The following CD163 variants were observed in gnomAD, a reference collection of about 807,000 sequenced individuals.
The protein encoded by CD163 is scavenger receptor cysteine-rich type 1 protein M130.
Under a neutral mutation model 129.2 loss-of-function variants are expected in CD163, and 64 were observed. The ratio of observed to expected loss-of-function variants is 0.50; its 90% confidence interval spans 0.41 to 0.61. The LOEUF (loss-of-function observed/expected upper bound fraction) is 0.61. Ranked by LOEUF, CD163 falls within the 20% of genes least tolerant of loss-of-function variation. The pLI is 0.00. For missense variants in CD163, 1,061 were observed against 1,377.9 expected, an observed-to-expected ratio of 0.77 and a Z score of 3.64; for synonymous variants, 446 against 478.5, an observed-to-expected ratio of 0.93 and a Z score of 0.89.
In CD163 at chr12:7,485,371, CA is replaced by C; in HGVS notation, c.2503del (p.Cys835ValfsTer46). Reference protein sequence around the residue: ...RLTSEASREACAGRLEVFYNG... With the variant: ...RLTSEASREAXAGRLEVFYNG... ...GTAAAAAACTTCCAGACGCCCTGCA[CA>C]GGCCTCTCTGCTGGCTTCACTGGTC... On this transcript the variant is annotated frameshift_variant, in exon 11 of 17. Transcript: ENST00000432237. LOFTEE classifies it high-confidence loss of function. This position sits in a 1 kb window ranked among gnomAD's most constrained non-coding sequence, Gnocchi z 4.5. 2 of 1,614,192 alleles carry C rather than the reference CA, an allele frequency of 1.2e-6. No individual in the cohort carries two copies. The highest frequency in any genetic ancestry group is 1.7e-6 in the Non-Finnish European group (2 of 1,180,012).
At chr12:7,491,993 C>T (rs745993093) in intron 6 of CD163, among the ~76,000 whole-genome samples, 9 of 152,132 alleles carry the variant, frequency 5.9e-5, no homozygotes, top group Admixed American at 6.5e-5. Context: ...AAAAGTTAAA[C>T]AATTTAAACA....
In CD163 at chr12:7,482,949, T is replaced by G; in HGVS notation, c.3127+17A>C. On this transcript the variant is annotated intron_variant, in intron 13 of 16. Transcript: ENST00000432237. ...ATGCAGATAATTGGTCTCATCATCATAAACTCCATGATATACCTGTTGTGG... is the reference window on the plus strand; with the variant it reads ...ATGCAGATAATTGGTCTCATCATCAGAAACTCCATGATATACCTGTTGTGG... 6.2e-7 allele frequency: 1 copy of G among 1,612,736 alleles called. No individual in the cohort carries two copies. Among genetic ancestry groups the G allele is most frequent in the Non-Finnish European group, 8.5e-7 (1 of 1,179,366 alleles).
Position 7,496,984 on chromosome 12 carries a change from G to A in CD163, c.928C>T (p.Pro310Ser). The A allele has an allele frequency of 1.2e-6, 2 of 1,613,990 alleles. No individual in the cohort carries two copies. Among genetic ancestry groups the A allele is most frequent in the Non-Finnish European group, 1.7e-6 (2 of 1,179,984 alleles). Residue 310 changes from proline (P) to serine (S), a missense_variant, in exon 5 of 17, where the codon CCA becomes TCA. Transcript: ENST00000432237. This position sits in a 1 kb window ranked among gnomAD's most constrained non-coding sequence, Gnocchi z 4.8. ...CGACCAATGGCTGTGACGGCAGTTG[G>A]ACATCCCAGTTGCTTGCATGCCACA... ...AAVACKQLGC[P>S]TAVTAIGRVN... is the part of the protein sequence containing the mutation.
At chr12:7,479,937 G>A (rs74056488) in intron 15 of CD163, 24 bp from the exon 16 acceptor site, 15 of 1,612,482 alleles carry the variant, frequency 9.3e-6, no homozygotes, top group Non-Finnish European at 1.3e-5. Flanking sequence ...GAAATAGGAA[G>A]AAATTTAGAC....
intron 16 of CD163, among the ~76,000 whole-genome samples, chr12:7,479,655 T>C (rs1591993720): frequency 6.6e-6 from 1 of 152,208 alleles, no homozygotes; most frequent in South Asian, 2.1e-4. Context: ...TTATTACTAT[T>C]TGTGTGTATA....
chr12:7,489,775 A>C lies in CD163; in HGVS notation c.1421-1688T>G, dbSNP rs760728838. The stretch of plus-strand genomic sequence containing the variant: ...CACAAACAGTTTTCATAGATTCCCT[A>C]ATTTCGTCCAGCTATTAAAATTAAG... On this transcript the variant is annotated intron_variant, in intron 6 of 16. Transcript: ENST00000432237. Among the ~76,000 whole-genome samples, 6 of 152,180 alleles carry C rather than the reference A, an allele frequency of 3.9e-5. No homozygotes were observed. In the East Asian group the frequency reaches 1.2e-3, roughly 29 times the overall value.
At chr12:7,503,526 G>T in intron 1 of CD163, 119 bp downstream of exon 1, 1 of 602,502 alleles carries the variant, frequency 1.7e-6, no homozygotes, top group Non-Finnish European at 2.9e-6. Context: ...ATAAGCCTAT[G>T]TCCTTTTTCC....
chr12:7,481,698 C>A (rs902248847), intron 14 of CD163, among the ~76,000 whole-genome samples: 10 of 152,140 alleles, frequency 6.6e-5, no homozygotes, highest in Non-Finnish European at 1.5e-5. Flanking sequence ...TAAAAGATAT[C>A]TTGACCATTT....
chr12:7,478,402 T>C (rs1028119025), intron 16 of CD163, among the ~76,000 whole-genome samples: 8 of 152,330 alleles, frequency 5.3e-5, no homozygotes, highest in African/African-American at 1.7e-4. Context: ...TTAGTCTGAT[T>C]TGTATAAAGT....
In CD163 at chr12:7,479,729, T is replaced by C. The variant is rs1251752087; in HGVS notation, c.*31+131A>G. The C allele has an allele frequency of 8.4e-6, 7 of 835,916 alleles. No homozygotes were observed. In the East Asian group the frequency reaches 8.9e-5, roughly 11 times the overall value. The allele number at this position is 835,916 out of a possible 1,614,324, so 51.8% of individuals were successfully genotyped here. A position where few individuals can be genotyped will look rare whatever the true frequency, so the allele number is the denominator to read the frequency against. ...TATTCTCAATATAGATATATACATA[T>C]ACAAACATATGCACATAAGCAAATA... On this transcript the variant is annotated intron_variant, in intron 16 of 16. Coordinates refer to ENST00000432237, the MANE Select transcript of CD163 (RefSeq NM_203416.4).
intron 9 of CD163, 22 bp from the exon 10 acceptor site, chr12:7,486,835 TTAA>T (rs765737878): frequency 2.5e-6 from 4 of 1,606,968 alleles, no homozygotes; most frequent in Non-Finnish European, 3.4e-6. Context: ...AATGAAACTA[TTAA>T]TAATGAGCAT....
At chr12:7,494,135 T>C (rs188685420) in intron 6 of CD163, among the ~76,000 whole-genome samples, 16 of 152,350 alleles carry the variant, frequency 1.1e-4, no homozygotes, top group Non-Finnish European at 1.9e-4. Flanking sequence ...AAATAATATA[T>C]AAATATTCCA....
Position 7,487,463 on chromosome 12 carries a change from A to G in CD163, c.1946T>C (p.Met649Thr), listed in dbSNP as rs1200443304. The G allele has an allele frequency of 6.2e-7, 1 of 1,614,038 alleles. No homozygotes were observed. Among genetic ancestry groups the G allele is most frequent in the East Asian group, 2.2e-5 (1 of 44,888 alleles). ...CTGCTCAGTCCCAGTGCAGTGAAACATATGCCTCCAGATCTGACCATTTCC... is the reference window on the plus strand; with the variant it reads ...CTGCTCAGTCCCAGTGCAGTGAAACGTATGCCTCCAGATCTGACCATTTCC... Reference protein sequence around the residue: ...GKGNGQIWRHMFHCTGTEQHM... With the variant: ...GKGNGQIWRHTFHCTGTEQHM... The change falls in exon 8 of 17, where the codon ATG (methionine) becomes ACG (threonine). Residue 649 changes from methionine (M) to threonine (T), a missense_variant. Physicochemically the swap from Met to Thr is moderately conservative, Grantham distance 81. Transcript: ENST00000432237. This position sits in a 1 kb window ranked among gnomAD's most constrained non-coding sequence, Gnocchi z 5.1.
intron 11 of CD163, among the ~76,000 whole-genome samples, chr12:7,484,271 A>G (rs1186516842): frequency 6.6e-6 from 1 of 152,202 alleles, no homozygotes; most frequent in Admixed American, 6.5e-5. Context: ...TAACATTATA[A>G]ATATGTGATG....
intron 3 of CD163, among the ~76,000 whole-genome samples, chr12:7,500,421 CAA>C (rs71953455): frequency 1.2e-4 from 8 of 64,112 alleles, no homozygotes; most frequent in South Asian, 7.1e-4. Flanking sequence ...CAATTCGTCC[CAA>C]AAAAAAAAAA....
At chr12:7,499,729 C>T (rs778662718) in intron 3 of CD163, among the ~76,000 whole-genome samples, 74 of 152,080 alleles carry the variant, frequency 4.9e-4, no homozygotes, top group African/African-American at 1.8e-3. Context: ...TTTTGTTATT[C>T]CCCATTTCAC....
rs1175035496 is a variant in CD163 at position 7,497,130 on chromosome 12, C to T, written c.782G>A (p.Gly261Glu). The T allele has an allele frequency of 6.2e-7, 1 of 1,612,474 alleles. No individual in the cohort carries two copies. The highest frequency in any genetic ancestry group is 1.1e-5 in the South Asian group (1 of 90,934). The change falls in exon 5 of 17, where the codon GGA becomes GAA. Residue 261 changes from glycine (G) to glutamate (E), a missense_variant. By Grantham distance (98) the Gly-to-Glu change is moderately conservative. Transcript: ENST00000432237. ...TACCAGTCTCAGGCTCAGATCTGCTCCCTCTGTAACAGAGACACACAACAG... is the reference window on the plus strand; with the variant it reads ...TACCAGTCTCAGGCTCAGATCTGCTTCCTCTGTAACAGAGACACACAACAG... Reference protein sequence around the residue: ...AEDAGVICSKGADLSLRLVDG... With the variant: ...AEDAGVICSKEADLSLRLVDG...
chr12:7,473,958 A>C (rs891856266), intron 16 of CD163, among the ~76,000 whole-genome samples: 1 of 152,198 alleles, frequency 6.6e-6, no homozygotes, highest in Non-Finnish European at 1.5e-5. Flanking sequence ...ACCTTAAGCC[A>C]ATAAAGATTA....
chr12:7,495,223 C>T lies in CD163; in HGVS notation c.1278G>A (p.Val426=). The T allele has an allele frequency of 6.2e-7, 1 of 1,614,114 alleles. No individual in the cohort carries two copies. Among genetic ancestry groups the T allele is most frequent in the Non-Finnish European group, 8.5e-7 (1 of 1,179,994 alleles). The change falls in exon 6 of 17, where the codon GTG becomes GTA. Residue 426 remains valine (V), a synonymous_variant. Transcript: ENST00000432237. ...CGSALKTSYQ[V]YSKIQATNTW... ...TGTTTGTTGCCTGGATTTTGGAGTA[C>T]ACTTGATAAGATGTTTTGAGTGCAG...
Sources: allele counts gnomAD v4.1 joint callset (sites outside exome capture counted in the v4.1 genomes callset), GRCh38; gene constraint gnomAD v4.1.1; non-coding constraint Gnocchi (gnomAD v3.1); transcripts MANE v1.5; gene names NCBI Gene and HGNC (gene_info 2026-07-23, HGNC 2026-07-21).